Variants in MMP16 observed in about 807,000 individuals in gnomAD.
MMP16 encodes matrix metallopeptidase 16.
In MMP16, 12 loss-of-function variants were observed where a neutral mutation model predicts 67.8. The ratio of observed to expected loss-of-function variants is 0.18; its 90% confidence interval spans 0.11 to 0.29. MMP16 has a LOEUF of 0.29. Ranked by LOEUF, MMP16 falls within the 10% of genes least tolerant of loss-of-function variation. MMP16 has a pLI of 1.00. For missense variants in MMP16, 475 were observed against 765.7 expected (o/e 0.62, Z 4.48); for synonymous variants, 249 against 255.9 (o/e 0.97, Z 0.26).
chr8:88,166,860 T>C (rs951917740), intron 4 of MMP16, among the ~76,000 whole-genome samples: 1 of 151,472 alleles, frequency 6.6e-6, no homozygotes, highest in African/African-American at 2.4e-5. Context: ...TGTGAGCCAC[T>C]GCGCCCAGCC....
At position 88,289,651 on chromosome 8, in the gene MMP16, T is replaced by G. The variant is rs890172617; in HGVS notation, c.132+37424A>C. ...TACATTCTGTACAGTTGCCGTGTAC[T>G]CTGAATTAGTGAATACTGAACTGCT... is the stretch of plus-strand genomic sequence containing the variant. On this transcript the variant is annotated intron_variant, in intron 1 of 9. Transcript: ENST00000286614. Among the ~76,000 whole-genome samples, 75 of 151,306 alleles carry G rather than the reference T, an allele frequency of 5.0e-4. 1 individual carries two copies. The highest frequency in any genetic ancestry group is 1.8e-4 in the Non-Finnish European group (12 of 67,924).
chr8:88,326,998 G>C, intron 1 of MMP16, 77 bp downstream of exon 1: 1 of 1,584,276 alleles, frequency 6.3e-7, no homozygotes, highest in South Asian at 1.1e-5. Context: ...TGAGCTACAA[G>C]GATCCCAGGA....
rs191622537 is a variant in MMP16, at chr8:88,315,646, C to A, written c.132+11429G>T. Among the ~76,000 whole-genome samples the A allele has an allele frequency of 2.3e-3, 357 of 152,254 alleles. 2 individuals are homozygous for A. The Middle Eastern group carries it at 0.027, about 12-fold the overall frequency. ...GACTGCTCCACTCACTGGCCATTCCCCCATCTCTTTCCCTCTCTTTGGGCT... is the reference window on the plus strand; with the variant it reads ...GACTGCTCCACTCACTGGCCATTCCACCATCTCTTTCCCTCTCTTTGGGCT... On this transcript the variant is annotated intron_variant, in intron 1 of 9. Coordinates refer to ENST00000286614, the MANE Select transcript of MMP16 (RefSeq NM_005941.5).
chr8:88,262,844 TACAAAAAAAAAAAAAAAAAAAAA>T (rs2129952388), intron 1 of MMP16, among the ~76,000 whole-genome samples: 1 of 3,118 alleles, frequency 3.2e-4, no homozygotes, highest in South Asian at 0.012. Context: ...CTACTAAAAA[TACAAAAAAAAAAAAAAAAAAAAA>T]AAAAAAAATT....
At chr8:88,128,258 A>G (rs1807968759) in intron 4 of MMP16, among the ~76,000 whole-genome samples, 1 of 151,868 alleles carries the variant, frequency 6.6e-6, no homozygotes, top group South Asian at 2.1e-4. Context: ...CTAAGCATAC[A>G]CATTTGGACA....
chr8:88,150,742 C>A (rs1384930270), intron 4 of MMP16, among the ~76,000 whole-genome samples: 2 of 149,752 alleles, frequency 1.3e-5, no homozygotes, highest in African/African-American at 4.9e-5. Context: ...CAACCGGTAC[C>A]AGCCGCTGCA....
chr8:88,147,491 T>C (rs1808313415), intron 4 of MMP16, among the ~76,000 whole-genome samples: 1 of 152,150 alleles, frequency 6.6e-6, no homozygotes. Flanking sequence ...CTTTTCTTTC[T>C]CCTTATACTT....
intron 9 of MMP16, 54 bp downstream of exon 9, chr8:88,046,615 A>T: frequency 8.9e-7 from 1 of 1,126,246 alleles, no homozygotes; most frequent in South Asian, 1.5e-5. Flanking sequence ...GAAAAAGCCT[A>T]ATGTGTTACT....
intron 1 of MMP16, among the ~76,000 whole-genome samples, chr8:88,205,640 C>T (rs1049420297): frequency 6.6e-6 from 1 of 152,152 alleles, no homozygotes; most frequent in African/African-American, 2.4e-5. Flanking sequence ...ACCACTGAAA[C>T]CTTCTTTGCC....
intron 4 of MMP16, among the ~76,000 whole-genome samples, chr8:88,147,980 T>C: frequency 6.6e-6 from 1 of 152,200 alleles, no homozygotes; most frequent in Non-Finnish European, 1.5e-5. Context: ...CTATTTTCCG[T>C]ATCTCCTAAC....
At position 88,037,953 on chromosome 8, in the gene MMP16, TG is replaced by T. The variant is rs1194554310; in HGVS notation, c.*3507del. The T allele has an allele frequency of 6.6e-6, 1 of 151,988 alleles. No homozygotes were observed. Among genetic ancestry groups the T allele is most frequent in the African/African-American group, 2.4e-5 (1 of 41,440 alleles). 9.4% of individuals were successfully genotyped at this position (151,988 alleles called of 1,614,324 possible). On this transcript the variant is annotated 3_prime_UTR_variant, in exon 10 of 10. Transcript: ENST00000286614. ...TCTGAGCTTTTCATGTTATTAGTGA[TG>T]GGGTGATGAAAATATTTTATGCCTT...
At chr8:88,222,160 G>C (rs1013972258) in intron 1 of MMP16, among the ~76,000 whole-genome samples, 1 of 151,920 alleles carries the variant, frequency 6.6e-6, no homozygotes, top group Non-Finnish European at 1.5e-5. Context: ...AAAAACAAGT[G>C]TGTAGATGAC....
intron 7 of MMP16, among the ~76,000 whole-genome samples, chr8:88,068,207 T>C (rs574865304): frequency 1.0e-3 from 152 of 152,248 alleles, no homozygotes; most frequent in South Asian, 4.4e-3. Context: ...CATCCATCTA[T>C]GATTCTTGGT....
At chr8:88,056,416 T>C (rs1808333411) in intron 7 of MMP16, 138 bp from the exon 8 acceptor site, 1 of 283,332 alleles carries the variant, frequency 3.5e-6, no homozygotes, top group Non-Finnish European at 5.9e-6. Flanking sequence ...ATTAAATACT[T>C]GAAATAAGTT....
In MMP16 at chr8:88,091,414, C is replaced by A. The variant is rs138792980; in HGVS notation, c.1084-16671G>T. Among the ~76,000 whole-genome samples the A allele has an allele frequency of 2.2e-4, 33 of 151,864 alleles. 1 individual carries two copies. Among genetic ancestry groups the A allele is most frequent in the African/African-American group, 8.0e-4 (33 of 41,506 alleles). On this transcript the variant is annotated intron_variant, in intron 6 of 9. Coordinates refer to ENST00000286614, the MANE Select transcript of MMP16 (RefSeq NM_005941.5). Reference sequence around the variant, plus strand: ...TGGAGGTTAATGCTCTTCCATTCAACAGCATTCTGTATATTGTTCTGGTTC... The same window carrying A: ...TGGAGGTTAATGCTCTTCCATTCAAAAGCATTCTGTATATTGTTCTGGTTC...
intron 6 of MMP16, among the ~76,000 whole-genome samples, chr8:88,076,010 T>C (rs1808644812): frequency 6.6e-6 from 1 of 150,950 alleles, no homozygotes; most frequent in Non-Finnish European, 1.5e-5. Flanking sequence ...TCAGTTAATA[T>C]GATAACAATG....
intron 1 of MMP16, among the ~76,000 whole-genome samples, chr8:88,239,813 A>G (rs553081279): frequency 7.2e-5 from 11 of 152,338 alleles, no homozygotes; most frequent in African/African-American, 2.4e-4. Flanking sequence ...TCAAAAATTA[A>G]CACTGGTTAG....
intron 1 of MMP16, among the ~76,000 whole-genome samples, chr8:88,292,123 A>G (rs543631060): frequency 6.6e-6 from 1 of 152,356 alleles, no homozygotes; most frequent in South Asian, 2.1e-4. Context: ...GACAATCAAT[A>G]GTTATTAAAA....
chr8:88,210,760 T>C (rs1809500787), intron 1 of MMP16, among the ~76,000 whole-genome samples: 1 of 152,148 alleles, frequency 6.6e-6, no homozygotes, highest in Non-Finnish European at 1.5e-5. Context: ...TCTTCTTAGA[T>C]TCTACCTTCC....
Sources: allele counts gnomAD v4.1 joint callset (sites outside exome capture counted in the v4.1 genomes callset), GRCh38; gene constraint gnomAD v4.1.1; transcripts MANE v1.5; gene names NCBI Gene and HGNC (gene_info 2026-07-23, HGNC 2026-07-21).